Variants in CRYBG1 observed in about 807,000 individuals in gnomAD.
CRYBG1 encodes the protein beta/gamma crystallin domain-containing protein 1.
Under a neutral mutation model 189.2 loss-of-function variants are expected in CRYBG1, and 139 were observed. The ratio of observed to expected loss-of-function variants is 0.73; its 90% CI spans 0.64 to 0.85. The LOEUF (loss-of-function observed/expected upper bound fraction) is 0.85. CRYBG1 is among the 40% of genes least tolerant of loss of function. The pLI, the probability that CRYBG1 is intolerant of heterozygous loss-of-function variation, is 0.00. For missense variants in CRYBG1, 2,611 were observed against 2,675.8 expected (o/e 0.98, Z 0.53); for synonymous variants, 1,023 against 1,017.1 (o/e 1.01, Z -0.11).
intron 3 of CRYBG1, among the ~76,000 whole-genome samples, chr6:106,518,292 CA>C (rs1582812515): frequency 6.6e-6 from 1 of 152,108 alleles, no homozygotes; most frequent in African/African-American, 2.4e-5. Flanking sequence ...CACTTATAAT[CA>C]GAGAAAATCT....
chr6:106,369,238 A>G (rs488282), intron 1 of CRYBG1, among the ~76,000 whole-genome samples: 99,724 of 152,056 alleles, frequency 0.66, 32,787 homozygotes, highest in East Asian at 0.72. Flanking sequence ...GGTTGCACCC[A>G]TAGCTAACAC....
intron 2 of CRYBG1, among the ~76,000 whole-genome samples, chr6:106,510,202 C>A (rs1375664893): frequency 6.6e-6 from 1 of 152,194 alleles, no homozygotes; most frequent in Non-Finnish European, 1.5e-5. Flanking sequence ...CACGTTTGGC[C>A]TGGTTTCAGA....
Position 106,552,204 on chromosome 6 carries a change from G to C in CRYBG1, c.5460G>C (p.Arg1820Ser), listed in dbSNP as rs768985297. The C allele has an allele frequency of 3.2e-5, 50 of 1,575,954 alleles. No homozygotes were observed. In the South Asian group the frequency reaches 5.6e-4, roughly 18 times the overall value. ...TTTAGGATTCTTTCACTGGCCCAAG[G>C]AGACGAAATCAGGTAACTTTAAAAA... ...PICLDSFTGP[R>S]RRNQIHLFSE... is the part of the protein sequence containing the mutation. The change falls in exon 15 of 22, where the codon AGG (arginine) becomes AGC (serine). Residue 1820 changes from arginine (R) to serine (S), a missense_variant. Arg to Ser is a moderately radical substitution (Grantham distance 110, BLOSUM62 -1). Coordinates refer to ENST00000633556, the MANE Select transcript of CRYBG1 (RefSeq NM_001371242.2).
intron 2 of CRYBG1, among the ~76,000 whole-genome samples, chr6:106,481,036 G>T (rs1353261725): frequency 1.3e-5 from 1 of 75,504 alleles, no homozygotes; most frequent in African/African-American, 6.0e-5. Flanking sequence ...TGCAGTGGCG[G>T]GATCTCGGCT....
intron 1 of CRYBG1, among the ~76,000 whole-genome samples, chr6:106,417,401 C>G (rs1340610): frequency 0.63 from 96,390 of 151,816 alleles, 30,772 homozygotes; most frequent in South Asian, 0.76. Flanking sequence ...TTGCACCCTA[C>G]ATGCCTCTCT....
At chr6:106,468,032 G>A (rs9486357) in intron 2 of CRYBG1, among the ~76,000 whole-genome samples, 1,534 of 152,224 alleles carry the variant, frequency 0.01, 28 homozygotes, top group African/African-American at 0.036. Context: ...GGGGTCATCT[G>A]TAAGTGTTGA....
At chr6:106,371,205 C>T (rs80205747) in intron 1 of CRYBG1, among the ~76,000 whole-genome samples, 2,684 of 152,290 alleles carry the variant, frequency 0.018, 82 homozygotes, top group African/African-American at 0.062. Context: ...TAATTTGTCA[C>T]TTAAATGTTT....
intron 2 of CRYBG1, among the ~76,000 whole-genome samples, chr6:106,498,152 T>G (rs1772898187): frequency 6.9e-6 from 1 of 145,866 alleles, no homozygotes; most frequent in African/African-American, 2.5e-5. Flanking sequence ...GAGGAAAAAC[T>G]GAAAGGCCAA....
At chr6:106,446,467 A>G (rs9480671) in intron 1 of CRYBG1, among the ~76,000 whole-genome samples, 19,217 of 152,252 alleles carry the variant, frequency 0.13, 1,261 homozygotes, top group Middle Eastern at 0.2. Flanking sequence ...CTTTGGATAG[A>G]CAATAGATGG....
chr6:106,441,860 A>T (rs1691046210), intron 1 of CRYBG1, among the ~76,000 whole-genome samples: 1 of 152,352 alleles, frequency 6.6e-6, no homozygotes, highest in South Asian at 2.1e-4. Flanking sequence ...GAACCTCCAT[A>T]AGAATTATTT....
In CRYBG1 at chr6:106,570,751, A is replaced by G. The variant is rs1250043159; in HGVS notation, c.*2185A>G. ...AGCAGCTGGTATTTACACCTGGAAAATCAGATTTTTTTTTCTTTTGCAATA... is the reference window on the plus strand; with the variant it reads ...AGCAGCTGGTATTTACACCTGGAAAGTCAGATTTTTTTTTCTTTTGCAATA... On this transcript the variant is annotated 3_prime_UTR_variant, in exon 22 of 22. Transcript: ENST00000633556. 2 of 152,164 alleles carry G rather than the reference A, an allele frequency of 1.3e-5. No individual in the cohort carries two copies. Among genetic ancestry groups the G allele is most frequent in the African/African-American group, 4.8e-5 (2 of 41,438 alleles). 9.4% of individuals were successfully genotyped at this position (152,164 alleles called of 1,614,324 possible).
chr6:106,399,854 C>T (rs921996276), intron 1 of CRYBG1, among the ~76,000 whole-genome samples: 5 of 151,620 alleles, frequency 3.3e-5, no homozygotes, highest in East Asian at 1.9e-4. Context: ...AAAATATCTC[C>T]GGCCGGGTGC....
intron 4 of CRYBG1, among the ~76,000 whole-genome samples, chr6:106,524,856 CAT>C (rs1773697519): frequency 6.6e-6 from 1 of 152,100 alleles, no homozygotes; most frequent in African/African-American, 2.4e-5. Flanking sequence ...TGACATGAAA[CAT>C]ATGTGCCCTG....
At chr6:106,424,287 TA>T (rs1256884301) in intron 1 of CRYBG1, among the ~76,000 whole-genome samples, 1 of 152,208 alleles carries the variant, frequency 6.6e-6, no homozygotes, top group Non-Finnish European at 1.5e-5. Context: ...TGGCTTTTCC[TA>T]AGCTTTCAAA....
chr6:106,383,896 G>C (rs1301875202), intron 1 of CRYBG1, among the ~76,000 whole-genome samples: 1 of 152,216 alleles, frequency 6.6e-6, no homozygotes. Flanking sequence ...CATGGGGCTA[G>C]GGAAGTTATA....
intron 2 of CRYBG1, among the ~76,000 whole-genome samples, chr6:106,493,081 T>C (rs1033992544): frequency 6.6e-6 from 1 of 152,082 alleles, no homozygotes; most frequent in African/African-American, 2.4e-5. Context: ...AAAAAATGAA[T>C]CATTTCTTGC....
chr6:106,510,563 G>A (rs889647329), intron 2 of CRYBG1, among the ~76,000 whole-genome samples: 2 of 152,006 alleles, frequency 1.3e-5, no homozygotes, highest in African/African-American at 4.8e-5. Context: ...TGGGGCTCCA[G>A]CCGTGCGACC....
At chr6:106,528,058 T>C (rs1384680362) in intron 7 of CRYBG1, among the ~76,000 whole-genome samples, 6 of 152,212 alleles carry the variant, frequency 3.9e-5, no homozygotes, top group Non-Finnish European at 8.8e-5. Flanking sequence ...CAATTAATGA[T>C]GTCTTCTAAG....
intron 2 of CRYBG1, among the ~76,000 whole-genome samples, chr6:106,496,804 AC>A (rs1319775577): frequency 2.0e-5 from 3 of 152,222 alleles, no homozygotes; most frequent in Admixed American, 2.0e-4. Flanking sequence ...TGCTGCAGGT[AC>A]TAACAGCGTA....
Sources: allele counts gnomAD v4.1 joint callset (sites outside exome capture counted in the v4.1 genomes callset), GRCh38; gene constraint gnomAD v4.1.1; transcripts MANE v1.5; gene names NCBI Gene and HGNC (gene_info 2026-07-23, HGNC 2026-07-21).